Variants in TRHDE observed in about 807,000 individuals in gnomAD.
TRHDE encodes the protein thyrotropin-releasing hormone-degrading ectoenzyme.
In TRHDE, 72 loss-of-function variants were observed where a neutral mutation model predicts 125.7. That is an observed-to-expected ratio of 0.57 (90% CI 0.47 to 0.70). The LOEUF (loss-of-function observed/expected upper bound fraction) is 0.70. TRHDE is among the 30% of genes least tolerant of loss of function. The probability of loss-of-function intolerance (pLI) is 0.00; values close to 1 mark genes in which losing one functional copy is unlikely to be tolerated. For missense variants in TRHDE, 1,110 were observed against 1,327.1 expected, an observed-to-expected ratio of 0.84 and a Z score of 2.54; for synonymous variants, 509 against 509.1, an observed-to-expected ratio of 1.00 and a Z score of 0.00.
At chr12:72,654,565 C>T (rs1219734092) in intron 17 of TRHDE, among the ~76,000 whole-genome samples, 1 of 152,064 alleles carries the variant, frequency 6.6e-6, no homozygotes, top group East Asian at 1.9e-4. Context: ...GGATAATTGG[C>T]CATAGAGGTT....
At chr12:72,474,360 A>G (rs1034340450) in intron 5 of TRHDE, among the ~76,000 whole-genome samples, 1 of 152,126 alleles carries the variant, frequency 6.6e-6, no homozygotes, top group Non-Finnish European at 1.5e-5. Context: ...ATTATGCTCT[A>G]TAGTAGATCT....
In TRHDE at chr12:72,392,422, ACT is replaced by A. The variant is rs548157276; in HGVS notation, c.1315+14304_1315+14305del. Reference sequence around the variant, plus strand: ...TGATCTACTTCCTTAAATATCTTTTACTCTGTGTCATCCCTCCTTCTGATTTA... The same window carrying A: ...TGATCTACTTCCTTAAATATCTTTTACTGTGTCATCCCTCCTTCTGATTTA... On this transcript the variant is annotated intron_variant, in intron 3 of 18. Transcript: ENST00000261180. 3.0e-3 allele frequency among the ~76,000 whole-genome samples: 454 copies of A among 152,196 alleles called. 4 individuals are homozygous for A. The highest frequency in any genetic ancestry group is 4.4e-3 in the Non-Finnish European group (299 of 68,000).
chr12:72,137,364 TC>T (rs1024725156), intron 2 of TRHDE: 1 of 152,226 alleles, frequency 6.6e-6, no homozygotes, highest in Non-Finnish European at 1.5e-5. Context: ...ACTTCAAGGA[TC>T]CCCTATATGC....
chr12:72,645,501 A>G (rs1874244267), intron 15 of TRHDE, among the ~76,000 whole-genome samples: 1 of 152,138 alleles, frequency 6.6e-6, no homozygotes, highest in Non-Finnish European at 1.5e-5. Flanking sequence ...ACCAATATAT[A>G]CATCATGTAA....
At chr12:72,230,064 C>T (rs1159022841) in intron 2 of TRHDE, among the ~76,000 whole-genome samples, 1 of 152,140 alleles carries the variant, frequency 6.6e-6, no homozygotes, top group Non-Finnish European at 1.5e-5. Flanking sequence ...CGGTTTTGTT[C>T]CTACAAAACT....
At chr12:72,126,170 C>T (rs937490388) in intron 2 of TRHDE, among the ~76,000 whole-genome samples, 4 of 152,094 alleles carry the variant, frequency 2.6e-5, no homozygotes, top group African/African-American at 7.2e-5. Flanking sequence ...TGAAAGATCT[C>T]TACAAGGAAA....
chr12:72,535,384 G>A (rs188528500), intron 6 of TRHDE, among the ~76,000 whole-genome samples: 6 of 152,178 alleles, frequency 3.9e-5, no homozygotes, highest in Non-Finnish European at 8.8e-5. Flanking sequence ...GAACCCATCT[G>A]GGGTTGTCTC....
chr12:72,536,316 C>G (rs931641087), intron 6 of TRHDE, among the ~76,000 whole-genome samples: 1 of 152,060 alleles, frequency 6.6e-6, no homozygotes, highest in African/African-American at 2.4e-5. Context: ...AAGGAGAAAA[C>G]ATTATATGCA....
At chr12:72,488,922 C>T (rs985680022) in intron 5 of TRHDE, among the ~76,000 whole-genome samples, 9 of 151,252 alleles carry the variant, frequency 6.0e-5, no homozygotes, top group East Asian at 1.9e-4. Flanking sequence ...AAGAAGAAAT[C>T]GAAGGAAATT....
upstream of TRHDE, among the ~76,000 whole-genome samples, chr12:72,270,388 A>G (rs1879169424): frequency 6.6e-6 from 1 of 152,254 alleles, no homozygotes; most frequent in Non-Finnish European, 1.5e-5. Context: ...ATCTGGGGAT[A>G]AATGAAAAAG....
intron 3 of TRHDE, among the ~76,000 whole-genome samples, chr12:72,430,714 A>G (rs1874441251): frequency 6.6e-6 from 1 of 151,726 alleles, no homozygotes; most frequent in Non-Finnish European, 1.5e-5. Flanking sequence ...AGTCTTTTTC[A>G]TGGTCATTTT....
intron 6 of TRHDE, among the ~76,000 whole-genome samples, chr12:72,534,262 A>G: frequency 6.6e-6 from 1 of 152,216 alleles, no homozygotes; most frequent in East Asian, 1.9e-4. Context: ...ACAATTAGCT[A>G]GTGATTTAAA....
At chr12:72,092,951 T>C (rs1395244984) in intron 1 of TRHDE, among the ~76,000 whole-genome samples, 9 of 152,212 alleles carry the variant, frequency 5.9e-5, no homozygotes, top group Non-Finnish European at 1.2e-4. Context: ...TTGAAGTTTA[T>C]GTGTATGTAT....
chr12:72,636,253 C>T (rs1184998382), intron 15 of TRHDE, among the ~76,000 whole-genome samples: 5 of 150,818 alleles, frequency 3.3e-5, no homozygotes, highest in African/African-American at 1.2e-4. Flanking sequence ...GTATTTTATT[C>T]TCTTTGAAGC....
At chr12:72,379,521 G>A (rs1352755211) in intron 3 of TRHDE, among the ~76,000 whole-genome samples, 1 of 152,132 alleles carries the variant, frequency 6.6e-6, no homozygotes, top group East Asian at 1.9e-4. Context: ...TAACTGGCTG[G>A]GAACTTCCCA....
At chr12:72,306,033 C>A (rs1378309033) in intron 2 of TRHDE, among the ~76,000 whole-genome samples, 2 of 152,324 alleles carry the variant, frequency 1.3e-5, no homozygotes, top group South Asian at 4.1e-4. Context: ...AATCCAAAGG[C>A]AAGTCTCATG....
intron 1 of TRHDE, among the ~76,000 whole-genome samples, chr12:72,285,522 C>CT (rs370394091): frequency 0.54 from 70,317 of 131,382 alleles, 22,069 homozygotes; most frequent in East Asian, 0.69. Context: ...TTTTTTTCTT[C>CT]TTTTTTTTTT....
At chr12:72,404,919 G>A (rs1420632203) in intron 3 of TRHDE, among the ~76,000 whole-genome samples, 2 of 152,202 alleles carry the variant, frequency 1.3e-5, no homozygotes, top group African/African-American at 2.4e-5. Flanking sequence ...CTATCTGCAT[G>A]TAAATCACAT....
At position 72,652,376 on chromosome 12, in the gene TRHDE, T is replaced by G; in HGVS notation, c.2730T>G (p.Asp910Glu). The change falls in exon 16 of 19, where the codon GAT becomes GAG. Residue 910 changes from aspartate to glutamate, a missense_variant. By Grantham distance (45) the Asp-to-Glu change is conservative (BLOSUM62 2). Around this residue, in one of 5 missense-constraint regions of TRHDE, gnomAD observed 527 missense variants for 651.8 expected, o/e 0.81. Coordinates refer to ENST00000261180, the MANE Select transcript of TRHDE (RefSeq NM_013381.3). ...ACTGTACAGGAGTGTCACTACTGGATGAGGATGTCTGGGAATTCATATGGA... is the reference window on the plus strand; with the variant it reads ...ACTGTACAGGAGTGTCACTACTGGAGGAGGATGTCTGGGAATTCATATGGA... ...IVYCTGVSLLDEDVWEFIWMK... is the reference protein window; with the variant it reads ...IVYCTGVSLLEEDVWEFIWMK... The G allele has an allele frequency of 6.2e-7, 1 of 1,606,662 alleles. No homozygotes were observed. Among genetic ancestry groups the G allele is most frequent in the Non-Finnish European group, 8.5e-7 (1 of 1,176,100 alleles).
Sources: allele counts gnomAD v4.1 joint callset (sites outside exome capture counted in the v4.1 genomes callset), GRCh38; gene constraint gnomAD v4.1.1; regional missense constraint gnomAD v4.1.1; transcripts MANE v1.5; gene names NCBI Gene and HGNC (gene_info 2026-07-23, HGNC 2026-07-21).